ZNF701: variants seen among roughly 807,000 people sequenced by gnomAD.
ZNF701 encodes the protein zinc finger protein 701.
A neutral mutation model predicts 7.1 loss-of-function variants in ZNF701; 6 were observed. That is an observed-to-expected ratio of 0.84 (90% confidence interval 0.46 to 1.66). The LOEUF is 1.66. Ranked by LOEUF, ZNF701 falls within the 40% of genes most tolerant of loss-of-function variation. ZNF701 has a pLI of 0.01. For missense variants in ZNF701, 541 were observed against 559.2 expected (o/e 0.97, Z 0.33); for synonymous variants, 166 against 188.2 (o/e 0.88, Z 0.97).
chr19:52,587,929 A>AG (rs2060021384), downstream of ZNF701, among the ~76,000 whole-genome samples: 1 of 152,070 alleles, frequency 6.6e-6, no homozygotes, highest in Non-Finnish European at 1.5e-5. Context: ...CAGGGAGGTG[A>AG]GGGGGCTGTG....
the ZNF701 span, among the ~76,000 whole-genome samples, chr19:52,599,162 G>A: frequency 6.6e-6 from 1 of 151,400 alleles, no homozygotes; most frequent in Non-Finnish European, 1.5e-5. Context: ...CGAGTAGCTG[G>A]GATTACAGGT....
At chr19:52,582,166 C>T in intron 3 of ZNF701, 36 bp from the exon 4 acceptor site, 1 of 1,515,296 alleles carries the variant, frequency 6.6e-7, no homozygotes, top group South Asian at 1.3e-5. Flanking sequence ...AACTTCCGTA[C>T]TTAATTTGAA....
At chr19:52,571,283 C>G (rs2059897244) in intron 1 of ZNF701, among the ~76,000 whole-genome samples, 2 of 151,112 alleles carry the variant, frequency 1.3e-5, no homozygotes, top group African/African-American at 4.9e-5. Flanking sequence ...GCAGACAGAG[C>G]AGAGTGGTGC....
chr19:52,595,558 C>T, the ZNF701 span: 6,091 of 735,052 alleles, frequency 8.3e-3, 276 homozygotes, highest in African/African-American at 0.095. Context: ...GTGTGAGCCA[C>T]TGCACCTGGC....
At chr19:52,595,811 A>G in the ZNF701 span, 1 of 1,609,020 alleles carries the variant, frequency 6.2e-7, no homozygotes, top group East Asian at 2.2e-5. Context: ...TGAAGCACCC[A>G]TGACAGAAAC....
At chr19:52,588,553 G>T, downstream of ZNF701, 1 of 372,856 alleles carries the variant, frequency 2.7e-6, no homozygotes, top group Non-Finnish European at 5.2e-6. Context: ...AAAGACTCAT[G>T]CTATGTAAGG....
At chr19:52,580,752 T>C (rs2059970205) in intron 3 of ZNF701, among the ~76,000 whole-genome samples, 3 of 152,204 alleles carry the variant, frequency 2.0e-5, no homozygotes, top group Admixed American at 1.3e-4. Flanking sequence ...CAATATTTTA[T>C]TAACTGATTT....
In ZNF701 at chr19:52,584,011, G is replaced by T; in HGVS notation, c.*554G>T. On this transcript the variant is annotated 3_prime_UTR_variant, in exon 4 of 4. Transcript: ENST00000391785. Reference sequence around the variant, plus strand: ...GTCAAGCTTCATCTTTTGCAAAACGGGAGAATTCATACAGGAGAGAAACCT... The same window carrying T: ...GTCAAGCTTCATCTTTTGCAAAACGTGAGAATTCATACAGGAGAGAAACCT... The T allele has an allele frequency of 2.3e-6, 1 of 435,358 alleles. No individual in the cohort carries two copies. 27.0% of individuals were successfully genotyped at this position (435,358 alleles called of 1,614,324 possible).
At position 52,583,825 on chromosome 19, in the gene ZNF701, T is replaced by C. The variant is rs752207883; in HGVS notation, c.*368T>C. The stretch of plus-strand genomic sequence containing the variant: ...GATTGTCACAAAGTCTTCAGTAATA[T>C]TACAGCCATTGCAAAACATTGGAGA... On this transcript the variant is annotated 3_prime_UTR_variant, in exon 4 of 4. Transcript: ENST00000391785. The C allele has an allele frequency of 5.5e-5, 31 of 562,032 alleles. No homozygotes were observed. Among genetic ancestry groups the C allele is most frequent in the Non-Finnish European group, 9.1e-5 (27 of 296,950 alleles). 34.8% of individuals were successfully genotyped at this position (562,032 alleles called of 1,614,324 possible). A position where few individuals can be genotyped will look rare whatever the true frequency, so the allele number is the denominator to read the frequency against.
intron 3 of ZNF701, among the ~76,000 whole-genome samples, chr19:52,576,857 A>G (rs914224410): frequency 5.9e-5 from 9 of 152,178 alleles, no homozygotes; most frequent in African/African-American, 2.2e-4. Flanking sequence ...TTGGAGCAAG[A>G]GAAAGGGCCC....
downstream of ZNF701, chr19:52,588,450 A>G (rs548006279): frequency 9.6e-5 from 17 of 176,432 alleles, no homozygotes; most frequent in East Asian, 2.8e-3. Context: ...CATGCCACTG[A>G]ACCACATTCT....
chr19:52,574,402 T>G (rs1052292508), intron 2 of ZNF701, among the ~76,000 whole-genome samples: 1 of 152,086 alleles, frequency 6.6e-6, no homozygotes, highest in African/African-American at 2.4e-5. Context: ...CCCAGACATG[T>G]ATGGAGATGG....
chr19:52,596,014 T>G, the ZNF701 span: 2 of 1,563,204 alleles, frequency 1.3e-6, no homozygotes, highest in East Asian at 2.2e-5. Context: ...CCCAAATAAT[T>G]TGTAGGCTCA....
chr19:52,587,662 T>C (rs2060020213), downstream of ZNF701, among the ~76,000 whole-genome samples: 1 of 152,230 alleles, frequency 6.6e-6, no homozygotes, highest in South Asian at 2.1e-4. Flanking sequence ...AACAAGTCCG[T>C]AAGCGGAGAG....
In ZNF701 at chr19:52,583,537, C is replaced by G; in HGVS notation, c.*80C>G. 1 of 1,596,542 alleles carries G rather than the reference C, an allele frequency of 6.3e-7. No homozygotes were observed. The highest frequency in any genetic ancestry group is 8.6e-7 in the Non-Finnish European group (1 of 1,165,668). ...GACTTTATACTGGAGAGAAACCTTA[C>G]AAATGTGAAGAATGTGACAAAAGTT... On this transcript the variant is annotated 3_prime_UTR_variant, in exon 4 of 4. Transcript: ENST00000391785.
Position 52,583,006 on chromosome 19 carries a change from A to G in ZNF701, c.947A>G (p.His316Arg), listed in dbSNP as rs372972721. The G allele has an allele frequency of 1.2e-5, 19 of 1,613,972 alleles. No homozygotes were observed. In the Middle Eastern group the frequency reaches 4.9e-4, roughly 42 times the overall value. The change falls in exon 4 of 4, where the codon CAT becomes CGT. Residue 316 changes from histidine to arginine, a missense_variant. By Grantham distance (29) the His-to-Arg change is conservative. Coordinates refer to ENST00000391785, the MANE Select transcript of ZNF701 (RefSeq NM_018260.3). ...AATCAACAATCAAACCTTGCACGTC[A>G]TCATAGAGTTCATACTGGAGAGAAA... ...VFNQQSNLAR[H>R]HRVHTGEKPY...
At chr19:52,593,443 T>C in the ZNF701 span, among the ~76,000 whole-genome samples, 8 of 112,460 alleles carry the variant, frequency 7.1e-5, 3 homozygotes, top group Non-Finnish European at 1.5e-4. Flanking sequence ...AGGGAGCGGC[T>C]GGCCGGGCAG....
In ZNF701 at chr19:52,585,483, C is replaced by T. The variant is rs2060004676; in HGVS notation, c.*2026C>T. 6.6e-6 allele frequency: 1 copy of T among 151,852 alleles called. No homozygotes were observed. Among genetic ancestry groups the T allele is most frequent in the Non-Finnish European group, 1.5e-5 (1 of 67,964 alleles). 9.4% of individuals were successfully genotyped at this position (151,852 alleles called of 1,614,324 possible). A position where few individuals can be genotyped will look rare whatever the true frequency, so the allele number is the denominator to read the frequency against. On this transcript the variant is annotated 3_prime_UTR_variant, in exon 4 of 4. Transcript: ENST00000391785. Reference sequence around the variant, plus strand: ...GCAACCCTCTTTTTCCACCCTCGCCCTGTTGTTCCCGGAAGGCAGGCCTGG... The same window carrying T: ...GCAACCCTCTTTTTCCACCCTCGCCTTGTTGTTCCCGGAAGGCAGGCCTGG...
chr19:52,576,832 T>C (rs979750225), intron 3 of ZNF701, among the ~76,000 whole-genome samples: 8 of 152,172 alleles, frequency 5.3e-5, no homozygotes, highest in African/African-American at 1.9e-4. Context: ...CTCATGCTGA[T>C]ATGTTATCTC....
Sources: allele counts gnomAD v4.1 joint callset (sites outside exome capture counted in the v4.1 genomes callset), GRCh38; gene constraint gnomAD v4.1.1; transcripts MANE v1.5; gene names NCBI Gene and HGNC (gene_info 2026-07-23, HGNC 2026-07-21).